Variants in SKAP1 observed in about 807,000 individuals in gnomAD.
SKAP1 encodes the protein src kinase associated phosphoprotein 1.
SKAP1 carries 44 observed loss-of-function variants against 58.5 expected under a neutral mutation model. The observed-to-expected ratio is 0.75, with a 90% CI of 0.59 to 0.97. SKAP1 has a LOEUF of 0.97. Ranked by LOEUF, SKAP1 falls within the 50% of genes least tolerant of loss-of-function variation. The probability of loss-of-function intolerance (pLI) is 0.00; values close to 1 mark genes in which losing one functional copy is unlikely to be tolerated. For synonymous variants in SKAP1, 127 were observed against 149.7 expected (o/e 0.85, Z 1.11); for missense variants, 390 against 435.2 (o/e 0.90, Z 0.92).
chr17:48,180,068 T>A lies in SKAP1; in HGVS notation c.812A>T (p.Tyr271Phe). 1 of 1,592,090 alleles carries A rather than the reference T, an allele frequency of 6.3e-7. No homozygotes were observed. Among genetic ancestry groups the A allele is most frequent in the Non-Finnish European group, 8.5e-7 (1 of 1,172,020 alleles). The change falls in exon 9 of 13, where the codon TAT becomes TTT. Residue 271 changes from tyrosine to phenylalanine, a missense_variant. Tyr to Phe is a conservative substitution (Grantham distance 22). Coordinates refer to ENST00000336915, the MANE Select transcript of SKAP1 (RefSeq NM_003726.4). The stretch of plus-strand genomic sequence containing the variant: ...AAATTTCTCACCTGGCAAGACTTCA[T>A]AAATATCTTCTTCTTCTTTCTCCTC... ...PTEEKEEEDI[Y>F]EVLPDEEHDL...
rs114899367 is a variant in SKAP1, at chr17:48,150,844, G to A, written c.978+11625C>T. On this transcript the variant is annotated intron_variant, in intron 11 of 12. Transcript: ENST00000336915. Reference sequence around the variant, plus strand: ...GGAACAGGCACAGAGAGTCTGAAACGGTTTGCTCTTTTCCCTACCCTCCTG... The same window carrying A: ...GGAACAGGCACAGAGAGTCTGAAACAGTTTGCTCTTTTCCCTACCCTCCTG... Among the ~76,000 whole-genome samples the A allele has an allele frequency of 3.3e-3, 495 of 152,264 alleles. 3 individuals are homozygous for A. The highest frequency in any genetic ancestry group is 0.011 in the African/African-American group (466 of 41,532).
chr17:48,165,231 T>C (rs1376460262), intron 10 of SKAP1, among the ~76,000 whole-genome samples: 2 of 152,072 alleles, frequency 1.3e-5, no homozygotes, highest in Non-Finnish European at 1.5e-5. Context: ...GGGGAAGAGA[T>C]AAGTTGGAGG....
At chr17:48,417,463 G>A (rs1567906941) in intron 1 of SKAP1, among the ~76,000 whole-genome samples, 2 of 152,184 alleles carry the variant, frequency 1.3e-5, no homozygotes, top group East Asian at 3.9e-4. Context: ...ATCTGCATAT[G>A]GCCAGGTGCA....
intron 4 of SKAP1, among the ~76,000 whole-genome samples, chr17:48,237,837 G>A (rs1248988692): frequency 6.6e-6 from 1 of 151,980 alleles, no homozygotes; most frequent in Non-Finnish European, 1.5e-5. Context: ...ACAACACATT[G>A]AAGGGTGGAA....
At chr17:48,185,476 C>T (rs961034438) in intron 6 of SKAP1, among the ~76,000 whole-genome samples, 1 of 151,882 alleles carries the variant, frequency 6.6e-6, no homozygotes, top group Non-Finnish European at 1.5e-5. Context: ...GGAAAAGGAC[C>T]ATAAGTGAAG....
chr17:48,169,369 T>A (rs1389537911), intron 10 of SKAP1, among the ~76,000 whole-genome samples: 1 of 152,208 alleles, frequency 6.6e-6, no homozygotes, highest in Non-Finnish European at 1.5e-5. Flanking sequence ...GCACTGGTGA[T>A]GGAAGTTGGT....
intron 4 of SKAP1, among the ~76,000 whole-genome samples, chr17:48,277,359 C>T (rs766978831): frequency 1.4e-4 from 21 of 152,218 alleles, no homozygotes; most frequent in Admixed American, 2.6e-4. Flanking sequence ...CTCAAACTAA[C>T]AGACCCTCTG....
At chr17:48,367,813 G>T (rs549385186) in intron 2 of SKAP1, among the ~76,000 whole-genome samples, 1 of 151,452 alleles carries the variant, frequency 6.6e-6, no homozygotes, top group South Asian at 2.1e-4. Flanking sequence ...TACTCGGGAG[G>T]CTGAGGTGGG....
chr17:48,174,103 G>C (rs540295374), intron 9 of SKAP1, among the ~76,000 whole-genome samples: 2 of 152,124 alleles, frequency 1.3e-5, no homozygotes, highest in Non-Finnish European at 2.9e-5. Flanking sequence ...TTCAGTTCCA[G>C]ACCAGTTACT....
chr17:48,155,900 A>G (rs2063970517), intron 11 of SKAP1, among the ~76,000 whole-genome samples: 1 of 152,222 alleles, frequency 6.6e-6, no homozygotes, highest in African/African-American at 2.4e-5. Flanking sequence ...GCTGGTCCAC[A>G]AAAGGGTCTT....
At chr17:48,141,387 T>TTTTTGC (rs2063766330) in intron 11 of SKAP1, among the ~76,000 whole-genome samples, 1 of 151,574 alleles carries the variant, frequency 6.6e-6, no homozygotes, top group African/African-American at 2.4e-5. Flanking sequence ...TTTGTTTTTG[T>TTTTTGC]TTTTGTTTTT....
intron 4 of SKAP1, among the ~76,000 whole-genome samples, chr17:48,238,981 A>C (rs1374677182): frequency 1.3e-5 from 2 of 152,232 alleles, no homozygotes; most frequent in Non-Finnish European, 2.9e-5. Context: ...GTTGACTATG[A>C]AGATGTAGAG....
chr17:48,373,709 C>T (rs1263743763), intron 2 of SKAP1, among the ~76,000 whole-genome samples: 1 of 152,110 alleles, frequency 6.6e-6, no homozygotes, highest in Non-Finnish European at 1.5e-5. Flanking sequence ...GTTTTCTTTT[C>T]TCTTGGAGAA....
intron 4 of SKAP1, among the ~76,000 whole-genome samples, chr17:48,297,131 C>T (rs1317662254): frequency 6.6e-6 from 1 of 152,150 alleles, no homozygotes; most frequent in African/African-American, 2.4e-5. Context: ...AACTTCTAAA[C>T]TTACTTGATT....
Position 48,184,713 on chromosome 17 carries a change from T to C in SKAP1, c.567+10A>G. ...CCAAGAAGGATCACCATCTCCTTGA[T>C]GCGTCCTACCTCATAGCTGCGCCTA... On this transcript the variant is annotated intron_variant, in intron 7 of 12. Transcript: ENST00000336915. 6.2e-7 allele frequency: 1 copy of C among 1,613,994 alleles called. No individual in the cohort carries two copies. The highest frequency in any genetic ancestry group is 1.1e-5 in the South Asian group (1 of 91,068).
At chr17:48,267,480 A>T (rs1221547710) in intron 4 of SKAP1, among the ~76,000 whole-genome samples, 3 of 152,196 alleles carry the variant, frequency 2.0e-5, no homozygotes, top group Non-Finnish European at 2.9e-5. Context: ...ATCAGCATTT[A>T]TACTTCAAAT....
chr17:48,320,753 C>T (rs949835105), intron 4 of SKAP1, among the ~76,000 whole-genome samples: 3 of 146,278 alleles, frequency 2.1e-5, no homozygotes, highest in Non-Finnish European at 4.6e-5. Flanking sequence ...ATCTCTACCT[C>T]CACCAATTTT....
intron 4 of SKAP1, among the ~76,000 whole-genome samples, chr17:48,313,214 C>G (rs892589835): frequency 6.6e-6 from 1 of 152,042 alleles, no homozygotes; most frequent in Non-Finnish European, 1.5e-5. Context: ...CCCCTTTGAA[C>G]TCATGACCTT....
chr17:48,241,472 C>A (rs2065242831), intron 4 of SKAP1, among the ~76,000 whole-genome samples: 1 of 152,136 alleles, frequency 6.6e-6, no homozygotes, highest in African/African-American at 2.4e-5. Context: ...ATGAACAGAT[C>A]ATCTGAAGTC....
Sources: allele counts gnomAD v4.1 joint callset (sites outside exome capture counted in the v4.1 genomes callset), GRCh38; gene constraint gnomAD v4.1.1; transcripts MANE v1.5; gene names NCBI Gene and HGNC (gene_info 2026-07-23, HGNC 2026-07-21).